ITGA4: variants seen among roughly 807,000 people sequenced by gnomAD.
The protein encoded by ITGA4 is integrin subunit alpha 4, also known as integrin alpha-4.
A neutral mutation model predicts 133.6 loss-of-function variants in ITGA4; 63 were observed. The observed-to-expected ratio is 0.47, with a 90% CI of 0.38 to 0.58. The LOEUF (loss-of-function observed/expected upper bound fraction) is 0.58. Among genes scored for constraint, ITGA4 ranks in the 20% least tolerant of loss-of-function variants. The pLI is 0.00. For missense variants in ITGA4, 1,076 were observed against 1,252.7 expected (o/e 0.86, Z 2.13); for synonymous variants, 483 against 438.0 (o/e 1.10, Z -1.28).
At chr2:181,490,036 G>C (rs933120484) in intron 10 of ITGA4, among the ~76,000 whole-genome samples, 12 of 152,018 alleles carry the variant, frequency 7.9e-5, no homozygotes, top group African/African-American at 2.9e-4. Context: ...GCAAGCAGGG[G>C]GTACGTGACT....
At chr2:181,488,492 C>T (rs1685969121) in intron 10 of ITGA4, among the ~76,000 whole-genome samples, 1 of 152,076 alleles carries the variant, frequency 6.6e-6, no homozygotes, top group Admixed American at 6.6e-5. Context: ...CATTTAGTGG[C>T]TACATTAACA....
intron 21 of ITGA4, among the ~76,000 whole-genome samples, chr2:181,526,013 T>C (rs1471749941): frequency 6.6e-6 from 1 of 152,242 alleles, no homozygotes; most frequent in Non-Finnish European, 1.5e-5. Context: ...GAGCCTTTCC[T>C]GTTGCTCTAA....
intron 11 of ITGA4, among the ~76,000 whole-genome samples, 184 bp downstream of exon 11, chr2:181,493,603 T>G (rs1366940062): frequency 6.6e-6 from 1 of 152,258 alleles, no homozygotes; most frequent in Non-Finnish European, 1.5e-5. Context: ...CAAACTCCCT[T>G]TCTCCATAAA....
chr2:181,509,045 A>G (rs1463947036), intron 15 of ITGA4, among the ~76,000 whole-genome samples: 1 of 149,794 alleles, frequency 6.7e-6, no homozygotes, highest in Non-Finnish European at 1.5e-5. Context: ...TGAAGGCTGA[A>G]GCAGAAGGAT....
In ITGA4 at chr2:181,535,484, G is replaced by A. The variant is rs1559060548; in HGVS notation, c.3056G>A (p.Arg1019Lys). 1 of 1,609,674 alleles carries A rather than the reference G, an allele frequency of 6.2e-7. No homozygotes were observed. The highest frequency in any genetic ancestry group is 8.5e-7 in the Non-Finnish European group (1 of 1,177,708). The change falls in exon 28 of 28, where the codon AGA becomes AAA. Residue 1019 changes from arginine to lysine, a missense_variant. Arg to Lys is a conservative substitution (Grantham distance 26, BLOSUM62 2). This residue lies in a region of ITGA4 where 193 missense variants were observed against 172.3 expected (regional missense o/e 1.12). Coordinates refer to ENST00000397033, the MANE Select transcript of ITGA4 (RefSeq NM_000885.6). ...TCTATCCTACAAGAAGAAAACAGAA[G>A]AGACAGTTGGAGTTATATCAACAGT... ...YKSILQEENR[R>K]DSWSYINSKS... is the part of the protein sequence containing the mutation.
At position 181,538,713 on chromosome 2, in the gene ITGA4, CTA is replaced by C. The variant is rs759270220; in HGVS notation, c.*3187_*3188del. ...TACAGTAATTATGAGTGAGAGGAAA[CTA>C]AGATGGAAGGATAAAAATCTAACAC... is the stretch of plus-strand genomic sequence containing the variant. On this transcript the variant is annotated 3_prime_UTR_variant, in exon 28 of 28. Coordinates refer to ENST00000397033, the MANE Select transcript of ITGA4 (RefSeq NM_000885.6). 2.0e-5 allele frequency among the ~76,000 whole-genome samples: 3 copies of C among 152,080 alleles called. No individual in the cohort carries two copies. Among genetic ancestry groups the C allele is most frequent in the Non-Finnish European group, 4.4e-5 (3 of 67,996 alleles).
intron 10 of ITGA4, 200 bp from the exon 11 acceptor site, chr2:181,493,125 T>G (rs1156900173): frequency 2.2e-6 from 1 of 457,872 alleles, no homozygotes; most frequent in Non-Finnish European, 3.8e-6. Flanking sequence ...CCACTCTGCT[T>G]TCTTCCATGT....
At chr2:181,457,962 G>A in intron 1 of ITGA4, 111 bp downstream of exon 1, 1 of 1,195,508 alleles carries the variant, frequency 8.4e-7, no homozygotes, top group South Asian at 1.5e-5. Context: ...GAGGCAGGAG[G>A]GAAACGCTGC....
chr2:181,526,346 T>C (rs1485921561), intron 21 of ITGA4, among the ~76,000 whole-genome samples: 1 of 152,238 alleles, frequency 6.6e-6, no homozygotes, highest in Non-Finnish European at 1.5e-5. Context: ...CTATGCTGGT[T>C]ACTTTCCTGT....
At chr2:181,506,104 T>C (rs535528001) in intron 15 of ITGA4, among the ~76,000 whole-genome samples, 2 of 152,210 alleles carry the variant, frequency 1.3e-5, no homozygotes, top group South Asian at 4.1e-4. Flanking sequence ...TCTTGAGTAC[T>C]CTCAGGCTCC....
chr2:181,516,604 TTC>T lies in ITGA4; in HGVS notation c.1922+4831_1922+4832del, dbSNP rs1162596648. 2.0e-5 allele frequency among the ~76,000 whole-genome samples: 3 copies of T among 152,042 alleles called. No homozygotes were observed. The highest frequency in any genetic ancestry group is 4.4e-5 in the Non-Finnish European group (3 of 67,982). On this transcript the variant is annotated intron_variant, in intron 17 of 27. Transcript: ENST00000397033. The surrounding 1 kb of genome is among the most constrained non-coding windows in gnomAD (Gnocchi z 4.0). ...ACGTGTGTTACCTGTTTATCCCTGA[TTC>T]TGTTATGGTTGAAGGAGAATGGAGT...
In ITGA4 at chr2:181,531,739, A is replaced by G. The variant is rs1163335019; in HGVS notation, c.2747A>G (p.His916Arg). ...GAAAGTGGAAAAGAAGCCAGTGTTC[A>G]TATCCAACTGGAAGGCCGGCCATCC... ...KMESGKEASV[H>R]IQLEGRPSIL... Residue 916 changes from histidine to arginine, a missense_variant, in exon 25 of 28, where the codon CAT (histidine) becomes CGT (arginine). Around this residue, in one of 4 missense-constraint regions of ITGA4, gnomAD observed 193 missense variants for 172.3 expected, o/e 1.12. Coordinates refer to ENST00000397033, the MANE Select transcript of ITGA4 (RefSeq NM_000885.6). 2 of 1,604,018 alleles carry G rather than the reference A, an allele frequency of 1.2e-6. No individual in the cohort carries two copies. The highest frequency in any genetic ancestry group is 2.2e-5 in the East Asian group (1 of 44,504).
intron 10 of ITGA4, among the ~76,000 whole-genome samples, chr2:181,492,628 T>C (rs1469631186): frequency 1.3e-5 from 2 of 152,238 alleles, no homozygotes; most frequent in Admixed American, 6.5e-5. Context: ...GGTTTTCTTA[T>C]ATTAGTTGAT....
At chr2:181,462,038 CTT>C (rs1029213634) in intron 2 of ITGA4, among the ~76,000 whole-genome samples, 1 of 151,978 alleles carries the variant, frequency 6.6e-6, no homozygotes, top group South Asian at 2.1e-4. Flanking sequence ...TTTATTTTTA[CTT>C]TTTTCATGTG....
chr2:181,483,508 C>T (rs1414799317), intron 9 of ITGA4, among the ~76,000 whole-genome samples: 1 of 152,130 alleles, frequency 6.6e-6, no homozygotes. Context: ...TATGTTCAGT[C>T]AATGGTTTCA....
chr2:181,509,706 C>A lies in ITGA4; in HGVS notation c.1744C>A (p.His582Asn). 1 of 1,609,578 alleles carries A rather than the reference C, an allele frequency of 6.2e-7. No homozygotes were observed. The highest frequency in any genetic ancestry group is 8.5e-7 in the Non-Finnish European group (1 of 1,177,756). Residue 582 changes from histidine (H) to asparagine (N), a missense_variant, in exon 16 of 28, where the codon CAC becomes AAC. Physicochemically the swap from His to Asn is moderately conservative, Grantham distance 68. This residue lies in a region of ITGA4 where 365 missense variants were observed against 421.4 expected (regional missense o/e 0.87). Transcript: ENST00000397033. Reference protein sequence around the residue: ...LTPIQIEAAYHLGPHVISKRS... With the variant: ...LTPIQIEAAYNLGPHVISKRS... ...CCCAATTCAGATTGAAGCTGCTTACCACCTTGGTCCTCATGTCATCAGTAA... is the reference window on the plus strand; with the variant it reads ...CCCAATTCAGATTGAAGCTGCTTACAACCTTGGTCCTCATGTCATCAGTAA...
At chr2:181,504,560 A>G (rs1574401286) in intron 15 of ITGA4, among the ~76,000 whole-genome samples, 1 of 152,066 alleles carries the variant, frequency 6.6e-6, no homozygotes, top group Admixed American at 6.6e-5. Context: ...TTCTGTGGAA[A>G]ATCTAAGTGT....
In ITGA4 at chr2:181,495,476, G is replaced by A; in HGVS notation, c.1385+60G>A. ...TTGGTTTAATTGTAAAATGATGGGA[G>A]GTGGTGTTTAAAATCAGCAGTGGTA... On this transcript the variant is annotated intron_variant, in intron 13 of 27. Transcript: ENST00000397033. This position sits in a 1 kb window ranked among gnomAD's most constrained non-coding sequence, Gnocchi z 4.3. 1 of 1,246,746 alleles carries A rather than the reference G, an allele frequency of 8.0e-7. No individual in the cohort carries two copies. The highest frequency in any genetic ancestry group is 1.2e-6 in the Non-Finnish European group (1 of 846,520). The allele number at this position is 1,246,746 out of a possible 1,614,324, so 77.2% of individuals were successfully genotyped here.
intron 22 of ITGA4, 145 bp downstream of exon 22, chr2:181,527,532 C>G: frequency 3.4e-6 from 2 of 586,786 alleles, no homozygotes; most frequent in South Asian, 3.9e-5. Context: ...CAGTGGTACT[C>G]CTGCCTCTCA....
Sources: gnomAD v4.1 joint callset for allele counts (sites outside exome capture counted in the v4.1 genomes callset) on GRCh38, gnomAD v4.1.1 for gene constraint, gnomAD v4.1.1 regional missense constraint, Gnocchi (gnomAD v3.1) non-coding constraint, MANE v1.5 for transcripts, NCBI Gene and HGNC (gene_info 2026-07-23, HGNC 2026-07-21) for gene names.